ART3: variants seen among roughly 807,000 people sequenced by gnomAD.
ART3 encodes ecto-ADP-ribosyltransferase 3.
In ART3, 49 loss-of-function variants were observed where a neutral mutation model predicts 48.5. The observed-to-expected ratio is 1.01, with a 90% CI of 0.80 to 1.28. ART3 has a LOEUF of 1.28. Ranked by LOEUF, ART3 falls within the 50% of genes most tolerant of loss-of-function variation. ART3 has a pLI of 0.00. For missense variants in ART3, 438 were observed against 454.3 expected (o/e 0.96, Z 0.33); for synonymous variants, 145 against 157.2 (o/e 0.92, Z 0.58).
intron 1 of ART3, among the ~76,000 whole-genome samples, chr4:76,028,711 A>T (rs1342219381): frequency 6.6e-6 from 1 of 152,218 alleles, no homozygotes; most frequent in Non-Finnish European, 1.5e-5. Flanking sequence ...CCGAGCTCAC[A>T]GTGTTTGGTA....
chr4:76,035,793 T>C, intron 1 of ART3: 1 of 739,830 alleles, frequency 1.4e-6, no homozygotes, highest in South Asian at 1.9e-5. Context: ...ATTTCTGTGC[T>C]AAAGCTGTAG....
At chr4:76,062,397 T>C (rs1377937138) in intron 1 of ART3, among the ~76,000 whole-genome samples, 1 of 152,178 alleles carries the variant, frequency 6.6e-6, no homozygotes, top group Admixed American at 6.5e-5. Flanking sequence ...GTTTAGTCAA[T>C]ATAAAATATA....
At chr4:76,052,715 C>CTT (rs1560599800) in intron 1 of ART3, among the ~76,000 whole-genome samples, 7 of 117,014 alleles carry the variant, frequency 6.0e-5, no homozygotes, top group African/African-American at 3.2e-4. Context: ...TTCTTTTTTC[C>CTT]TTCTTTTTTT....
intron 1 of ART3, among the ~76,000 whole-genome samples, chr4:76,023,055 T>C (rs1276112048): frequency 6.6e-6 from 1 of 152,214 alleles, no homozygotes; most frequent in East Asian, 1.9e-4. Flanking sequence ...GTTCATGTGG[T>C]TCATTGAGCT....
Position 76,075,967 on chromosome 4 carries a change from G to A in ART3, c.69+9G>A. 6.2e-7 allele frequency: 1 copy of A among 1,607,086 alleles called. No homozygotes were observed. The highest frequency in any genetic ancestry group is 1.7e-5 in the Admixed American group (1 of 59,288). ...TAGTGGACATTTTCCAGGTAATGTT[G>A]GGAATGGGAAGCATGTGGTCATTGG... On this transcript the variant is annotated intron_variant, in intron 2 of 11. Coordinates refer to ENST00000355810, the MANE Select transcript of ART3 (RefSeq NM_001130016.3).
chr4:76,037,338 G>T (rs1209733832), intron 1 of ART3, among the ~76,000 whole-genome samples: 2 of 152,004 alleles, frequency 1.3e-5, no homozygotes, highest in East Asian at 3.8e-4. Flanking sequence ...CTTTCTAATG[G>T]GTAAGCTTAA....
intron 11 of ART3, among the ~76,000 whole-genome samples, 162 bp downstream of exon 11, chr4:76,107,955 G>A (rs1311650937): frequency 6.6e-6 from 1 of 152,056 alleles, no homozygotes; most frequent in Non-Finnish European, 1.5e-5. Context: ...GTGTGCATGT[G>A]TGTGTTGGGG....
intron 1 of ART3, chr4:76,033,680 TC>T (rs1734079499): frequency 6.6e-6 from 1 of 152,192 alleles, no homozygotes; most frequent in Non-Finnish European, 1.5e-5. Flanking sequence ...AGTATATAGA[TC>T]TTTTTTTAAA....
At chr4:76,030,746 G>A (rs1264479663) in intron 1 of ART3, among the ~76,000 whole-genome samples, 1 of 152,160 alleles carries the variant, frequency 6.6e-6, no homozygotes, top group African/African-American at 2.4e-5. Flanking sequence ...GTGGTCCCTT[G>A]TGTCTGGCTT....
chr4:76,075,576 C>T (rs887908196), intron 1 of ART3, among the ~76,000 whole-genome samples: 30 of 152,088 alleles, frequency 2.0e-4, no homozygotes, highest in Non-Finnish European at 3.2e-4. Context: ...AAATATGACT[C>T]CCAGTGACTG....
intron 1 of ART3, among the ~76,000 whole-genome samples, chr4:76,018,068 C>T (rs1416881039): frequency 6.6e-6 from 1 of 152,204 alleles, no homozygotes; most frequent in Non-Finnish European, 1.5e-5. Context: ...AATAGAACTA[C>T]CATTCAACCC....
chr4:76,107,171 A>G (rs1032914417), intron 10 of ART3: 4 of 152,192 alleles, frequency 2.6e-5, no homozygotes, highest in African/African-American at 9.7e-5. Flanking sequence ...AGTTAAATGC[A>G]TTTTTGACTT....
At chr4:76,106,211 T>C (rs1728438359) in intron 10 of ART3, 3 of 985,314 alleles carry the variant, frequency 3.0e-6, no homozygotes, top group South Asian at 9.4e-5. Flanking sequence ...ACACTTGTCT[T>C]CCAAACAGAT....
chr4:76,100,181 A>G (rs1726958336), intron 5 of ART3, 110 bp from the exon 6 acceptor site: 2 of 1,117,612 alleles, frequency 1.8e-6, no homozygotes, highest in Non-Finnish European at 1.3e-6. Context: ...GGACGTATCA[A>G]ATGGTTCTTT....
intron 1 of ART3, among the ~76,000 whole-genome samples, chr4:76,046,504 C>T (rs1218224275): frequency 6.6e-6 from 1 of 151,990 alleles, no homozygotes; most frequent in East Asian, 1.9e-4. Flanking sequence ...TAACAATATT[C>T]TATAATCCTT....
chr4:76,092,091 A>G (rs1408457582), intron 3 of ART3, among the ~76,000 whole-genome samples: 1 of 152,144 alleles, frequency 6.6e-6, no homozygotes, highest in Non-Finnish European at 1.5e-5. Flanking sequence ...TTTGGTGATT[A>G]TATGTTCTTT....
At chr4:76,042,139 T>A (rs1000302126) in intron 1 of ART3, among the ~76,000 whole-genome samples, 2 of 152,206 alleles carry the variant, frequency 1.3e-5, no homozygotes, top group Non-Finnish European at 2.9e-5. Flanking sequence ...AAATCTGTAA[T>A]CTGTGCTTCA....
intron 8 of ART3, 112 bp from the exon 9 acceptor site, chr4:76,103,825 C>A: frequency 3.2e-6 from 3 of 945,322 alleles, no homozygotes; most frequent in East Asian, 5.2e-5. Context: ...TTCTTTCCCC[C>A]TGCCTTTTTT....
intron 11 of ART3, among the ~76,000 whole-genome samples, chr4:76,109,835 A>C (rs963225498): frequency 7.2e-5 from 11 of 152,358 alleles, no homozygotes; most frequent in Admixed American, 3.3e-4. Context: ...GTGTGTATAC[A>C]TCCAACTGCA....
Sources: allele counts gnomAD v4.1 joint callset (sites outside exome capture counted in the v4.1 genomes callset), GRCh38; gene constraint gnomAD v4.1.1; transcripts MANE v1.5; gene names NCBI Gene and HGNC (gene_info 2026-07-23, HGNC 2026-07-21).